Variants in CACNA2D1 observed in about 807,000 individuals in gnomAD.
CACNA2D1 encodes the protein calcium voltage-gated channel auxiliary subunit alpha2delta 1.
CACNA2D1 carries 53 observed loss-of-function variants against 171.5 expected under a neutral mutation model. The ratio of observed to expected loss-of-function variants is 0.31; its 90% CI spans 0.25 to 0.39. The LOEUF (loss-of-function observed/expected upper bound fraction) is 0.39. Among genes scored for constraint, CACNA2D1 ranks in the 10% least tolerant of loss-of-function variants. CACNA2D1 has a pLI of 1.00. For missense variants in CACNA2D1, 903 were observed against 1,299.8 expected (o/e 0.69, Z 4.69); for synonymous variants, 442 against 443.1 (o/e 1.00, Z 0.03).
intron 3 of CACNA2D1, among the ~76,000 whole-genome samples, chr7:82,290,672 C>T (rs4341112): frequency 0.25 from 37,623 of 150,826 alleles, 5,541 homozygotes; most frequent in Non-Finnish European, 0.32. Flanking sequence ...TCTCGGCTCA[C>T]CACAACCTCT....
At chr7:82,251,202 C>T (rs1043536250) in intron 3 of CACNA2D1, among the ~76,000 whole-genome samples, 3 of 152,108 alleles carry the variant, frequency 2.0e-5, no homozygotes, top group Non-Finnish European at 4.4e-5. Context: ...CTGCTTCTGC[C>T]ACTTGTATAA....
At chr7:82,065,152 T>G (rs1176192824) in intron 8 of CACNA2D1, among the ~76,000 whole-genome samples, 1 of 152,192 alleles carries the variant, frequency 6.6e-6, no homozygotes, top group East Asian at 1.9e-4. Context: ...ACTGTAAATG[T>G]AACTTCTCAG....
intron 4 of CACNA2D1, among the ~76,000 whole-genome samples, chr7:82,146,797 G>T (rs1793178831): frequency 6.6e-6 from 1 of 150,590 alleles, no homozygotes; most frequent in South Asian, 2.1e-4. Context: ...CAACAGCCTG[G>T]CCATCATGGT....
At chr7:82,393,974 G>A (rs1283063115) in intron 1 of CACNA2D1, among the ~76,000 whole-genome samples, 1 of 152,134 alleles carries the variant, frequency 6.6e-6, no homozygotes. Context: ...GGTGGAGTGA[G>A]AAGAGGCAAA....
intron 3 of CACNA2D1, among the ~76,000 whole-genome samples, chr7:82,271,636 A>G (rs965771616): frequency 2.0e-5 from 3 of 152,086 alleles, no homozygotes; most frequent in Non-Finnish European, 4.4e-5. Flanking sequence ...TGTGAAAAAT[A>G]GTACGTTGTT....
intron 1 of CACNA2D1, among the ~76,000 whole-genome samples, chr7:82,384,829 C>T (rs1157340052): frequency 6.6e-5 from 10 of 152,122 alleles, no homozygotes; most frequent in Non-Finnish European, 1.0e-4. Flanking sequence ...AAAAATATAT[C>T]TCACTGCCAA....
chr7:82,421,007 T>C (rs879528554), intron 1 of CACNA2D1, among the ~76,000 whole-genome samples: 1 of 152,184 alleles, frequency 6.6e-6, no homozygotes, highest in African/African-American at 2.4e-5. Flanking sequence ...TTCAGGTATC[T>C]ACAATTTTAT....
At chr7:82,255,745 G>T (rs1251535704) in intron 3 of CACNA2D1, among the ~76,000 whole-genome samples, 1 of 152,192 alleles carries the variant, frequency 6.6e-6, no homozygotes, top group East Asian at 1.9e-4. Context: ...TTTCTTTAGA[G>T]GTAATGCTTG....
chr7:82,199,093 C>A (rs1420010831), intron 3 of CACNA2D1, among the ~76,000 whole-genome samples: 1 of 152,098 alleles, frequency 6.6e-6, no homozygotes, highest in East Asian at 1.9e-4. Context: ...GGCATTGTGT[C>A]TCTTGTAATA....
At chr7:81,953,960 G>C (rs12537105) in intron 38 of CACNA2D1, among the ~76,000 whole-genome samples, 1 of 152,082 alleles carries the variant, frequency 6.6e-6, no homozygotes, top group Non-Finnish European at 1.5e-5. Context: ...TGGTAGTTTA[G>C]ATAAGTTATT....
chr7:82,106,611 C>T (rs1787794696), intron 6 of CACNA2D1, among the ~76,000 whole-genome samples: 2 of 151,556 alleles, frequency 1.3e-5, no homozygotes, highest in South Asian at 4.2e-4. Context: ...TTTGCAAATC[C>T]CTGAATATTC....
chr7:82,132,223 T>G (rs970296226), intron 5 of CACNA2D1, among the ~76,000 whole-genome samples: 3 of 152,230 alleles, frequency 2.0e-5, no homozygotes, highest in African/African-American at 7.2e-5. Flanking sequence ...AGGGTTTGAT[T>G]ATATTTAAAA....
intron 1 of CACNA2D1, among the ~76,000 whole-genome samples, chr7:82,438,574 C>CA (rs1174395844): frequency 6.6e-6 from 1 of 152,016 alleles, no homozygotes; most frequent in Non-Finnish European, 1.5e-5. Context: ...AGTGCACATA[C>CA]AAAAAAATGA....
chr7:82,262,218 C>G (rs1807211732), intron 3 of CACNA2D1, among the ~76,000 whole-genome samples: 1 of 152,172 alleles, frequency 6.6e-6, no homozygotes, highest in Non-Finnish European at 1.5e-5. Context: ...GTAGTCCCAG[C>G]TACTCGGGAG....
At chr7:81,991,495 G>A (rs1797537797) in intron 20 of CACNA2D1, among the ~76,000 whole-genome samples, 1 of 152,056 alleles carries the variant, frequency 6.6e-6, no homozygotes, top group Non-Finnish European at 1.5e-5. Context: ...ATTGAAAACA[G>A]TATTTCCTGA....
intron 3 of CACNA2D1, among the ~76,000 whole-genome samples, chr7:82,247,872 C>T (rs1046717515): frequency 2.0e-5 from 3 of 152,128 alleles, no homozygotes; most frequent in Non-Finnish European, 2.9e-5. Flanking sequence ...GGGCAGGGGA[C>T]GGGCGAAGTC....
At chr7:82,331,479 AAAT>A (rs1817292808) in intron 3 of CACNA2D1, among the ~76,000 whole-genome samples, 1 of 152,322 alleles carries the variant, frequency 6.6e-6, no homozygotes, top group African/African-American at 2.4e-5. Context: ...TTTCTCTTTG[AAAT>A]AATGTTTTAT....
chr7:81,958,836 G>A (rs935808931), intron 38 of CACNA2D1, among the ~76,000 whole-genome samples: 3 of 151,958 alleles, frequency 2.0e-5, no homozygotes, highest in South Asian at 4.1e-4. Flanking sequence ...GACAATGGCT[G>A]TATAACAGGT....
chr7:82,307,903 A>G (rs920910563), intron 3 of CACNA2D1, among the ~76,000 whole-genome samples: 12 of 152,224 alleles, frequency 7.9e-5, no homozygotes, highest in Admixed American at 2.6e-4. Flanking sequence ...AGATTTGAAA[A>G]GATTTTACAA....
Sources: gnomAD v4.1 joint callset for allele counts (sites outside exome capture counted in the v4.1 genomes callset) on GRCh38, gnomAD v4.1.1 for gene constraint, MANE v1.5 for transcripts, NCBI Gene and HGNC (gene_info 2026-07-23, HGNC 2026-07-21) for gene names.